The following NXN variants were observed in gnomAD, a reference collection of about 807,000 sequenced individuals.
The protein encoded by NXN is nucleoredoxin.
NXN carries 16 observed loss-of-function variants against 48.6 expected under a neutral mutation model. The observed-to-expected ratio is 0.33, with a 90% CI of 0.22 to 0.50. NXN has a LOEUF of 0.50. NXN is among the 20% of genes least tolerant of loss of function. The probability of loss-of-function intolerance (pLI) is 0.98; values close to 1 mark genes in which losing one functional copy is unlikely to be tolerated. For synonymous variants in NXN, 281 were observed against 269.6 expected (o/e 1.04, Z -0.41); for missense variants, 492 against 605.5 (o/e 0.81, Z 1.97).
intron 1 of NXN, among the ~76,000 whole-genome samples, chr17:871,083 G>A (rs368460141): frequency 2.6e-5 from 4 of 152,030 alleles, no homozygotes; most frequent in South Asian, 2.1e-4. Context: ...GGATGGTCTC[G>A]ATCTCCTGAC....
chr17:812,213 C>T (rs1261251186), intron 5 of NXN, among the ~76,000 whole-genome samples: 3 of 152,158 alleles, frequency 2.0e-5, no homozygotes, highest in African/African-American at 7.2e-5. Flanking sequence ...AGGCGTGAGC[C>T]ACTGCGCGTG....
At chr17:971,846 C>T (rs1045320342) in intron 1 of NXN, among the ~76,000 whole-genome samples, 3 of 152,210 alleles carry the variant, frequency 2.0e-5, no homozygotes, top group Non-Finnish European at 4.4e-5. Flanking sequence ...ACACCATGCA[C>T]CACTGGGAAT....
At chr17:863,212 C>G (rs915621465) in intron 1 of NXN, among the ~76,000 whole-genome samples, 3 of 152,172 alleles carry the variant, frequency 2.0e-5, no homozygotes, top group Admixed American at 6.5e-5. Context: ...ACTCTGTCAC[C>G]TGGGCTGGAG....
intron 1 of NXN, chr17:896,856 CACCCG>C: frequency 1.7e-6 from 2 of 1,156,928 alleles, no homozygotes; most frequent in Non-Finnish European, 2.2e-6. Context: ...CGGTCCTGAC[CACCCG>C]CCCCCGGCCC....
At chr17:948,775 C>T (rs901021548) in intron 1 of NXN, among the ~76,000 whole-genome samples, 6 of 151,896 alleles carry the variant, frequency 4.0e-5, no homozygotes, top group South Asian at 2.1e-4. Flanking sequence ...ATCCACATCC[C>T]GGGACACGAG....
intron 1 of NXN, among the ~76,000 whole-genome samples, chr17:864,902 C>T (rs1022161454): frequency 1.3e-5 from 2 of 152,156 alleles, no homozygotes; most frequent in African/African-American, 2.4e-5. Flanking sequence ...TCATTCAACA[C>T]GGATGAAAAG....
At position 800,826 on chromosome 17, in the gene NXN, A is replaced by C; in HGVS notation, c.*123T>G. 1.7e-6 allele frequency: 1 copy of C among 573,036 alleles called. No homozygotes were observed. 35.5% of individuals were successfully genotyped at this position (573,036 alleles called of 1,614,324 possible). On this transcript the variant is annotated 3_prime_UTR_variant, in exon 8 of 8. Coordinates refer to ENST00000336868, the MANE Select transcript of NXN (RefSeq NM_022463.5). ...GTTTACTGCAGAAACAAGGCACCACAGAGAGGCTGGACACTTGGGTGGTGG... is the reference window on the plus strand; with the variant it reads ...GTTTACTGCAGAAACAAGGCACCACCGAGAGGCTGGACACTTGGGTGGTGG...
chr17:836,204 G>C (rs1324244845), intron 1 of NXN, among the ~76,000 whole-genome samples: 1 of 152,202 alleles, frequency 6.6e-6, no homozygotes, highest in Non-Finnish European at 1.5e-5. Context: ...AGAAGTCCCA[G>C]TTCCCGAGAG....
At chr17:968,343 G>C (rs184992254) in intron 1 of NXN, among the ~76,000 whole-genome samples, 236 of 152,276 alleles carry the variant, frequency 1.5e-3, no homozygotes, top group Non-Finnish European at 2.8e-3. Context: ...AAGAGGGTGC[G>C]GGATCCATTC....
rs983462952 is a variant in NXN at position 956,705 on chromosome 17, G to A, written c.360+22614C>T. On this transcript the variant is annotated intron_variant, in intron 1 of 7. Coordinates refer to ENST00000336868, the MANE Select transcript of NXN (RefSeq NM_022463.5). The surrounding 1 kb of genome is among the most constrained non-coding windows in gnomAD (Gnocchi z 4.1). ...GCTGGGATTACAGGCGTGAGCCACC[G>A]CGCCTGGCCAAGAGCTTTTTATATC... Among the ~76,000 whole-genome samples the A allele has an allele frequency of 1.3e-5, 2 of 152,190 alleles. No homozygotes were observed. The highest frequency in any genetic ancestry group is 4.8e-5 in the African/African-American group (2 of 41,450).
At position 823,734 on chromosome 17, in the gene NXN, G is replaced by A; in HGVS notation, c.510C>T (p.Phe170=). The A allele has an allele frequency of 6.2e-7, 1 of 1,614,158 alleles. No individual in the cohort carries two copies. The highest frequency in any genetic ancestry group is 8.5e-7 in the Non-Finnish European group (1 of 1,180,020). ...GCAAGGGCCCTGCAATGACTTCCCTGAAGGGTTTCGGTCCCCAGGGGAACT... is the reference window on the plus strand; with the variant it reads ...GCAAGGGCCCTGCAATGACTTCCCTAAAGGGTTTCGGTCCCCAGGGGAACT... ...GLEFPWGPKP[F]REVIAGPLLR... is the part of the protein sequence containing the mutation. Residue 170 remains phenylalanine, a synonymous_variant, in exon 3 of 8, where the codon TTC becomes TTT. Coordinates refer to ENST00000336868, the MANE Select transcript of NXN (RefSeq NM_022463.5).
chr17:927,424 C>A (rs989192783), intron 1 of NXN, among the ~76,000 whole-genome samples: 1 of 151,872 alleles, frequency 6.6e-6, no homozygotes, highest in Non-Finnish European at 1.5e-5. Context: ...GCCTCGGCAA[C>A]AAGGCGAAAC....
chr17:811,149 G>A (rs917620166), intron 5 of NXN, among the ~76,000 whole-genome samples: 3 of 152,176 alleles, frequency 2.0e-5, no homozygotes, highest in Non-Finnish European at 4.4e-5. Context: ...GCACAGGAGG[G>A]AAGAAGGAAA....
At chr17:844,399 C>T (rs2067837201) in intron 1 of NXN, among the ~76,000 whole-genome samples, 1 of 150,186 alleles carries the variant, frequency 6.7e-6, no homozygotes, top group Non-Finnish European at 1.5e-5. Context: ...GGCCATCACA[C>T]GTCCCGTCCT....
chr17:826,443 A>T (rs1913108384), intron 1 of NXN, among the ~76,000 whole-genome samples: 2 of 152,156 alleles, frequency 1.3e-5, no homozygotes, highest in Non-Finnish European at 2.9e-5. Context: ...CTCATCCTGG[A>T]GAGTACTACC....
intron 1 of NXN, among the ~76,000 whole-genome samples, chr17:925,062 A>G (rs542887433): frequency 4.6e-5 from 7 of 152,332 alleles, no homozygotes; most frequent in African/African-American, 1.7e-4. Flanking sequence ...CTAGCCACCA[A>G]AAGCCTCTGC....
At chr17:860,374 T>C (rs2068029383) in intron 1 of NXN, among the ~76,000 whole-genome samples, 1 of 110,468 alleles carries the variant, frequency 9.1e-6, no homozygotes, top group Non-Finnish European at 1.8e-5. Context: ...TCCACCCACC[T>C]TGGCCTCCCA....
chr17:808,153 G>T (rs1597612885), intron 5 of NXN, among the ~76,000 whole-genome samples: 1 of 152,224 alleles, frequency 6.6e-6, no homozygotes, highest in South Asian at 2.1e-4. Context: ...TCTTAACCAG[G>T]GCGGGGAAGT....
chr17:892,913 A>G (rs1161034820), intron 1 of NXN, among the ~76,000 whole-genome samples: 1 of 152,260 alleles, frequency 6.6e-6, no homozygotes, highest in Non-Finnish European at 1.5e-5. Flanking sequence ...CCAGCCCCTC[A>G]GTTGTAACAA....
Sources: allele counts gnomAD v4.1 joint callset (sites outside exome capture counted in the v4.1 genomes callset), GRCh38; gene constraint gnomAD v4.1.1; non-coding constraint Gnocchi (gnomAD v3.1); transcripts MANE v1.5; gene names NCBI Gene and HGNC (gene_info 2026-07-23, HGNC 2026-07-21).